The following GARIN1A variants were observed in gnomAD, a reference collection of about 807,000 sequenced individuals.
GARIN1A encodes golgi associated RAB2 interactor 1A, also known as Golgi-associated RAB2 interactor protein 1A.
At chr7:128,689,427 C>T in the GARIN1A span, among the ~76,000 whole-genome samples, 6 of 151,602 alleles carry the variant, frequency 4.0e-5, no homozygotes, top group African/African-American at 1.5e-4. Context: ...ATGTGAGGAG[C>T]GCCTCTGCCC....
chr7:128,699,220 G>T, the GARIN1A span, among the ~76,000 whole-genome samples: 27,227 of 144,150 alleles, frequency 0.19, 2,840 homozygotes, highest in South Asian at 0.27. Flanking sequence ...CAATAATACA[G>T]AACTAAAGTA....
the GARIN1A span, among the ~76,000 whole-genome samples, chr7:128,703,041 C>T: frequency 6.6e-6 from 1 of 152,128 alleles, no homozygotes. Flanking sequence ...CTTCAAAATA[C>T]TTGAGACAAA....
the GARIN1A span, chr7:128,672,498 C>T: frequency 6.2e-7 from 1 of 1,609,728 alleles, no homozygotes. Flanking sequence ...ATTCATTCTC[C>T]AGAATTCAAT....
the GARIN1A span, chr7:128,687,139 T>A: frequency 6.6e-6 from 1 of 152,242 alleles, no homozygotes; most frequent in Non-Finnish European, 1.5e-5. Flanking sequence ...ATGACACTTA[T>A]CCTTATTGAT....
the GARIN1A span, chr7:128,687,384 C>G: frequency 6.6e-6 from 1 of 151,810 alleles, no homozygotes; most frequent in South Asian, 2.1e-4. Flanking sequence ...GGTTGGCTCA[C>G]AAAATCAAAG....
the GARIN1A span, among the ~76,000 whole-genome samples, chr7:128,703,516 C>T: frequency 6.6e-6 from 1 of 152,326 alleles, no homozygotes; most frequent in Middle Eastern, 3.4e-3. Context: ...CAGGGCAGGG[C>T]ACAGTGGCTC....
chr7:128,677,824 C>T, the GARIN1A span: 1 of 1,611,352 alleles, frequency 6.2e-7, no homozygotes, highest in Non-Finnish European at 8.5e-7. Flanking sequence ...GTAAGTGGGC[C>T]TCCTTCCGGG....
At chr7:128,674,589 G>T in the GARIN1A span, among the ~76,000 whole-genome samples, 36 of 152,122 alleles carry the variant, frequency 2.4e-4, no homozygotes, top group Non-Finnish European at 4.1e-4. Flanking sequence ...CTCTCAATGT[G>T]TACAACCCTT....
chr7:128,694,952 G>A, the GARIN1A span, among the ~76,000 whole-genome samples: 41,236 of 152,012 alleles, frequency 0.27, 5,958 homozygotes, highest in East Asian at 0.54. Context: ...TCCTAGTTCC[G>A]TTGGTCTTTG....
At chr7:128,681,565 G>A in the GARIN1A span, among the ~76,000 whole-genome samples, 1 of 149,600 alleles carries the variant, frequency 6.7e-6, no homozygotes, top group South Asian at 2.1e-4. Flanking sequence ...GCAGTGCCAT[G>A]ATCTTGGCTC....
At chr7:128,680,909 A>G in the GARIN1A span, among the ~76,000 whole-genome samples, 1 of 152,218 alleles carries the variant, frequency 6.6e-6, no homozygotes. Flanking sequence ...AAGGGAAACA[A>G]CCAGTAGCTC....
chr7:128,699,586 A>T, the GARIN1A span, among the ~76,000 whole-genome samples: 11 of 152,256 alleles, frequency 7.2e-5, no homozygotes, highest in Non-Finnish European at 1.5e-4. Context: ...ATATTGCTAT[A>T]TGCAATTCAG....
the GARIN1A span, among the ~76,000 whole-genome samples, chr7:128,708,610 C>T: frequency 6.6e-6 from 1 of 152,088 alleles, no homozygotes; most frequent in East Asian, 1.9e-4. Flanking sequence ...CTGCTCTTCT[C>T]CAATTTGGGG....
At chr7:128,706,487 C>T in the GARIN1A span, among the ~76,000 whole-genome samples, 2 of 151,270 alleles carry the variant, frequency 1.3e-5, no homozygotes, top group African/African-American at 4.9e-5. Context: ...ATATCTCCAT[C>T]TCTCTCTCTC....
chr7:128,703,984 G>GA, the GARIN1A span, among the ~76,000 whole-genome samples: 1 of 152,072 alleles, frequency 6.6e-6, no homozygotes, highest in East Asian at 1.9e-4. Context: ...GTATGCAAAG[G>GA]AAAAAAATCA....
the GARIN1A span, among the ~76,000 whole-genome samples, chr7:128,689,819 G>A: frequency 2.0e-5 from 3 of 149,916 alleles, no homozygotes; most frequent in African/African-American, 7.4e-5. Context: ...CAGCCGCCCC[G>A]TCCGGGAGGT....
chr7:128,684,906 CTT>C, the GARIN1A span: 797 of 141,988 alleles, frequency 5.6e-3, 6 homozygotes, highest in Admixed American at 8.8e-3. Context: ...ACCATGACTC[CTT>C]TTTTTTTTTT....
the GARIN1A span, among the ~76,000 whole-genome samples, chr7:128,701,248 C>T: frequency 6.8e-6 from 1 of 147,972 alleles, no homozygotes; most frequent in Non-Finnish European, 1.5e-5. Flanking sequence ...CTCGCTTCCA[C>T]CAAGTGAAAA....
At chr7:128,701,438 AG>A in the GARIN1A span, among the ~76,000 whole-genome samples, 1 of 3,272 alleles carries the variant, frequency 3.1e-4, no homozygotes, top group Non-Finnish European at 6.0e-4. Context: ...AGGGGAGGGG[AG>A]GGGAGGGGAG....
Sources: gnomAD v4.1 joint callset for allele counts (sites outside exome capture counted in the v4.1 genomes callset) on GRCh38, gnomAD v4.1.1 for gene constraint, MANE v1.5 for transcripts, NCBI Gene and HGNC (gene_info 2026-07-23, HGNC 2026-07-21) for gene names.